The following RPLP0 variants were observed in gnomAD, a reference collection of about 807,000 sequenced individuals.
The protein encoded by RPLP0 is ribosomal protein lateral stalk subunit P0.
For synonymous variants in RPLP0, 137 were observed against 153.4 expected (o/e 0.89, Z 0.79); for missense variants, 276 against 402.9 (o/e 0.69, Z 2.70).
In RPLP0 at chr12:120,197,224, T is replaced by G; in HGVS notation, c.792+98A>C. Reference sequence around the variant, plus strand: ...TATCCCCTCACAAAATTATCTGCTATATAAAATACAACTATAAAAGCAGTA... The same window carrying G: ...TATCCCCTCACAAAATTATCTGCTAGATAAAATACAACTATAAAAGCAGTA... On this transcript the variant is annotated intron_variant, in intron 7 of 7. Coordinates refer to ENST00000392514, the MANE Select transcript of RPLP0 (RefSeq NM_001002.4). 7.6e-6 allele frequency: 9 copies of G among 1,183,024 alleles called. No individual in the cohort carries two copies. The South Asian group carries it at 1.2e-4, about 16-fold the overall frequency. The allele number at this position is 1,183,024 out of a possible 1,614,324, so 73.3% of individuals were successfully genotyped here. A position where few individuals can be genotyped will look rare whatever the true frequency, so the allele number is the denominator to read the frequency against.
Position 120,198,574 on chromosome 12 carries a change from G to C in RPLP0, c.631C>G (p.Leu211Val), listed in dbSNP as rs1322005939. ...PEVLDITEET[L>V]HSRFLEGVRN... is the part of the protein sequence containing the mutation. ...TATACCTCCAGGAAGCGAGAATGCA[G>C]AGTTTCCTCTGTGATATCAAGCACT... Residue 211 changes from leucine to valine, a missense_variant, in exon 6 of 8, where the codon CTG becomes GTG. By Grantham distance (32) the Leu-to-Val change is conservative. Transcript: ENST00000392514. The surrounding 1 kb of genome is among the most constrained non-coding windows in gnomAD (Gnocchi z 4.1). 2.5e-6 allele frequency: 4 copies of C among 1,614,026 alleles called. No homozygotes were observed. Among genetic ancestry groups the C allele is most frequent in the African/African-American group, 1.3e-5 (1 of 74,926 alleles).
rs773711781 is a variant in RPLP0, at chr12:120,199,215, G to A, written c.231-10C>T. 3.7e-6 allele frequency: 6 copies of A among 1,613,656 alleles called. No individual in the cohort carries two copies. The highest frequency in any genetic ancestry group is 2.7e-5 in the African/African-American group (2 of 74,928). ...GATATGAGGCAGCAGTCTGCAAAGA[G>A]AAGTTTATGGGAGACAATCACCTTT... On this transcript the variant is annotated splice_polypyrimidine_tract_variant and intron_variant, in intron 3 of 7. Transcript: ENST00000392514.
chr12:120,200,285 A>G (rs1879379494), intron 2 of RPLP0: 1 of 347,534 alleles, frequency 2.9e-6, no homozygotes, highest in Admixed American at 3.9e-5. Context: ...CAACATGGTG[A>G]ATCCCTGTCT....
chr12:120,200,521 C>T (rs1879399060), intron 2 of RPLP0: 2 of 557,180 alleles, frequency 3.6e-6, no homozygotes, highest in Non-Finnish European at 6.3e-6. Context: ...GATACGAATG[C>T]TGTCATCTTA....
chr12:120,199,272 C>T, intron 3 of RPLP0, 38 bp downstream of exon 3: 1 of 1,613,800 alleles, frequency 6.2e-7, no homozygotes, highest in East Asian at 2.2e-5. Context: ...GGGAGACGGG[C>T]ACTGGGGAGA....
chr12:120,198,484 G>T lies in RPLP0; in HGVS notation c.651+70C>A. ...GATGAAAACACAGTCCTTGGTTACAGGGACTCAGTCTGAACCTTGTCATGC... is the reference window on the plus strand; with the variant it reads ...GATGAAAACACAGTCCTTGGTTACATGGACTCAGTCTGAACCTTGTCATGC... On this transcript the variant is annotated intron_variant, in intron 6 of 7. Transcript: ENST00000392514. This position sits in a 1 kb window ranked among gnomAD's most constrained non-coding sequence, Gnocchi z 4.1. The T allele has an allele frequency of 6.6e-7, 1 of 1,524,456 alleles. No individual in the cohort carries two copies. The highest frequency in any genetic ancestry group is 9.1e-7 in the Non-Finnish European group (1 of 1,100,722). 94.4% of individuals were successfully genotyped at this position (1,524,456 alleles called of 1,614,324 possible). A position where few individuals can be genotyped will look rare whatever the true frequency, so the allele number is the denominator to read the frequency against.
intron 6 of RPLP0, 187 bp from the exon 7 acceptor site, chr12:120,197,649 C>T: frequency 3.0e-6 from 2 of 658,864 alleles, no homozygotes; most frequent in Non-Finnish European, 5.1e-6. Flanking sequence ...ATAAATTTTG[C>T]CCTTATTCCA....
At chr12:120,200,062 A>T in intron 2 of RPLP0, 1 of 456,106 alleles carries the variant, frequency 2.2e-6, no homozygotes, top group Non-Finnish European at 4.4e-6. Flanking sequence ...GGCCATCCAA[A>T]AGTCATTGGA....
chr12:120,200,927 C>A, intron 1 of RPLP0, 96 bp from the exon 2 acceptor site: 4 of 1,402,836 alleles, frequency 2.9e-6, no homozygotes, highest in Non-Finnish European at 3.8e-6. Flanking sequence ...CGCCCGCCGG[C>A]CCTGCCTAGG....
rs767316530 is a variant in RPLP0 at position 120,197,418 on chromosome 12, T to C, written c.696A>G (p.Pro232=). The change falls in exon 7 of 8, where the codon CCA becomes CCG. Residue 232 remains proline, a synonymous_variant. Coordinates refer to ENST00000392514, the MANE Select transcript of RPLP0 (RefSeq NM_001002.4). ...TAGAATGGGGTACTGATGCAACAGT[T>C]GGGTAGCCAATCTGCAGACAGACAC... ...VASVCLQIGY[P]TVASVPHSII... 8 of 1,613,874 alleles carry C rather than the reference T, an allele frequency of 5.0e-6. No individual in the cohort carries two copies. The South Asian group carries it at 8.8e-5, about 18-fold the overall frequency.
In RPLP0 at chr12:120,199,497, A is replaced by G; in HGVS notation, c.55-12T>C. Reference sequence around the variant, plus strand: ...TCATCCAATAGTTGCTACAAAAAACAAGCCAGAGGAGCCAAGTTTAACAGG... The same window carrying G: ...TCATCCAATAGTTGCTACAAAAAACGAGCCAGAGGAGCCAAGTTTAACAGG... On this transcript the variant is annotated splice_polypyrimidine_tract_variant and intron_variant, in intron 2 of 7. Coordinates refer to ENST00000392514, the MANE Select transcript of RPLP0 (RefSeq NM_001002.4). 1.2e-6 allele frequency: 2 copies of G among 1,611,400 alleles called. No individual in the cohort carries two copies. The highest frequency in any genetic ancestry group is 1.7e-6 in the Non-Finnish European group (2 of 1,178,762).
chr12:120,199,718 T>G, intron 2 of RPLP0: 1 of 505,484 alleles, frequency 2.0e-6, no homozygotes, highest in Non-Finnish European at 3.5e-6. Flanking sequence ...TTTTCTTTTT[T>G]TACTTAGTTT....
At position 120,201,071 on chromosome 12, in the gene RPLP0, T is replaced by G; in HGVS notation, c.-49+12A>C. The G allele has an allele frequency of 4.9e-6, 2 of 405,856 alleles. No individual in the cohort carries two copies. The highest frequency in any genetic ancestry group is 4.4e-6 in the Non-Finnish European group (1 of 226,816). 25.1% of individuals were successfully genotyped at this position (405,856 alleles called of 1,614,324 possible). ...CGGCGACCCCTGGCGCCCATCTAACTAGCACACGAACCTTCCACGAGGACG... is the reference window on the plus strand; with the variant it reads ...CGGCGACCCCTGGCGCCCATCTAACGAGCACACGAACCTTCCACGAGGACG... On this transcript the variant is annotated intron_variant, in intron 1 of 7. Coordinates refer to ENST00000392514, the MANE Select transcript of RPLP0 (RefSeq NM_001002.4).
chr12:120,198,270 A>C lies in RPLP0; in HGVS notation c.651+284T>G. The C allele has an allele frequency of 2.8e-6, 1 of 359,404 alleles. No homozygotes were observed. The allele number at this position is 359,404 out of a possible 1,614,324, so 22.3% of individuals were successfully genotyped here. On this transcript the variant is annotated intron_variant, in intron 6 of 7. Transcript: ENST00000392514. The surrounding 1 kb of genome is among the most constrained non-coding windows in gnomAD (Gnocchi z 4.1). ...CGTAGTGGCGGGTGCCTGTAGTCCCAGCTACTCAGGAGGCTGAGGCAGGAG... is the reference window on the plus strand; with the variant it reads ...CGTAGTGGCGGGTGCCTGTAGTCCCCGCTACTCAGGAGGCTGAGGCAGGAG...
Position 120,198,942 on chromosome 12 carries a change from T to C in RPLP0, c.377A>G (p.Gln126Arg). Reference protein sequence around the residue: ...IAPCEVTVPAQNTGLGPEKTS... With the variant: ...IAPCEVTVPARNTGLGPEKTS... ...CTTCTCGGGCCCGAGACCAGTGTTC[T>C]GGGCTGGCACAGTGACTTCACATGG... The change falls in exon 5 of 8, where the codon CAG (glutamine) becomes CGG (arginine). Residue 126 changes from glutamine to arginine, a missense_variant. Gln to Arg is a conservative substitution (Grantham distance 43, BLOSUM62 1). Transcript: ENST00000392514. The surrounding 1 kb of genome is among the most constrained non-coding windows in gnomAD (Gnocchi z 4.1). 1 of 1,613,620 alleles carries C rather than the reference T, an allele frequency of 6.2e-7. No homozygotes were observed. The highest frequency in any genetic ancestry group is 1.1e-5 in the South Asian group (1 of 91,064).
At chr12:120,200,461 T>G in intron 2 of RPLP0, 1 of 358,166 alleles carries the variant, frequency 2.8e-6, no homozygotes. Context: ...AGACTCCGTT[T>G]AAAAAAAAAA....
rs777304469 is a variant in RPLP0 at position 120,197,425 on chromosome 12, C to T, written c.689G>A (p.Gly230Asp). 2.5e-5 allele frequency: 41 copies of T among 1,613,748 alleles called. 3 individuals are homozygous for T. The South Asian group carries it at 3.6e-4, about 14-fold the overall frequency. The part of the protein sequence containing the change: ...RNVASVCLQI[G>D]YPTVASVPHS... ...GGGTACTGATGCAACAGTTGGGTAG[C>T]CAATCTGCAGACAGACACTGGCAAC... The change falls in exon 7 of 8, where the codon GGC becomes GAC. Residue 230 changes from glycine (G) to aspartate (D), a missense_variant. By Grantham distance (94) the Gly-to-Asp change is moderately conservative. Transcript: ENST00000392514.
chr12:120,200,234 G>A, intron 2 of RPLP0: 1 of 389,144 alleles, frequency 2.6e-6, no homozygotes, highest in South Asian at 1.9e-5. Flanking sequence ...GGAGGCCGAG[G>A]AAGGTGGATC....
Position 120,198,485 on chromosome 12 carries a change from G to A in RPLP0, c.651+69C>T. 1 of 1,546,076 alleles carries A rather than the reference G, an allele frequency of 6.5e-7. No homozygotes were observed. The highest frequency in any genetic ancestry group is 8.9e-7 in the Non-Finnish European group (1 of 1,120,410). ...ATGAAAACACAGTCCTTGGTTACAG[G>A]GACTCAGTCTGAACCTTGTCATGCT... On this transcript the variant is annotated intron_variant, in intron 6 of 7. Transcript: ENST00000392514. This position sits in a 1 kb window ranked among gnomAD's most constrained non-coding sequence, Gnocchi z 4.1.
Sources: gnomAD v4.1 joint callset for allele counts on GRCh38, gnomAD v4.1.1 for gene constraint, Gnocchi (gnomAD v3.1) non-coding constraint, MANE v1.5 for transcripts, NCBI Gene and HGNC (gene_info 2026-07-23, HGNC 2026-07-21) for gene names.